FBXO10: variants seen among roughly 807,000 people sequenced by gnomAD.
FBXO10 encodes F-box only protein 10.
A neutral mutation model predicts 80.7 loss-of-function variants in FBXO10; 39 were observed. The ratio of observed to expected loss-of-function variants is 0.48; its 90% CI spans 0.37 to 0.63. The LOEUF (loss-of-function observed/expected upper bound fraction) is 0.63. Among genes scored for constraint, FBXO10 ranks in the 30% least tolerant of loss-of-function variants. The pLI, the probability that FBXO10 is intolerant of heterozygous loss-of-function variation, is 0.00. For missense variants in FBXO10, 1,025 were observed against 1,269.0 expected (o/e 0.81, Z 2.92); for synonymous variants, 449 against 489.6 (o/e 0.92, Z 1.09).
chr9:37,511,443 T>G lies in FBXO10; in HGVS notation c.*1104A>C, dbSNP rs543577755. 677 of 153,076 alleles carry G rather than the reference T, an allele frequency of 4.4e-3. 4 individuals carry two copies. Among genetic ancestry groups the G allele is most frequent in the Non-Finnish European group, 7.3e-3 (498 of 68,488 alleles). The allele number at this position is 153,076 out of a possible 1,614,324, so 9.5% of individuals were successfully genotyped here. ...ACACACAGTCAGAAGTGGCCCTACC[T>G]ACGGGGAGCACACAGGTGAGTGGGG... On this transcript the variant is annotated 3_prime_UTR_variant, in exon 11 of 11. Transcript: ENST00000432825.
At chr9:37,538,732 G>A (rs997554010) in intron 2 of FBXO10, among the ~76,000 whole-genome samples, 1 of 151,254 alleles carries the variant, frequency 6.6e-6, no homozygotes, top group African/African-American at 2.4e-5. Flanking sequence ...AAAAGCATGG[G>A]CTCCGGGGGT....
intron 3 of FBXO10, among the ~76,000 whole-genome samples, chr9:37,534,777 C>A (rs1821716155): frequency 6.6e-6 from 1 of 152,306 alleles, no homozygotes; most frequent in African/African-American, 2.4e-5. Flanking sequence ...TTCCCCCTAA[C>A]TCTCTTACAA....
At chr9:37,563,244 T>C (rs978705468) in intron 1 of FBXO10, among the ~76,000 whole-genome samples, 1 of 152,214 alleles carries the variant, frequency 6.6e-6, no homozygotes, top group Non-Finnish European at 1.5e-5. Flanking sequence ...GAACTGTGAG[T>C]CAATTAAACC....
chr9:37,540,312 C>G (rs548858430), intron 2 of FBXO10, among the ~76,000 whole-genome samples: 13 of 152,070 alleles, frequency 8.5e-5, no homozygotes, highest in African/African-American at 3.1e-4. Context: ...CTCAGCCTCC[C>G]GAGTAGCTGG....
At chr9:37,552,422 G>A (rs1265675419) in intron 1 of FBXO10, among the ~76,000 whole-genome samples, 4 of 152,148 alleles carry the variant, frequency 2.6e-5, no homozygotes, top group Admixed American at 1.3e-4. Context: ...GGTGGCTCAC[G>A]CTTGTAATCC....
intron 1 of FBXO10, among the ~76,000 whole-genome samples, chr9:37,557,772 G>C (rs1822374131): frequency 6.6e-6 from 1 of 151,996 alleles, no homozygotes; most frequent in African/African-American, 2.4e-5. Context: ...CTATAAAGAG[G>C]GGCTCATCTA....
chr9:37,550,101 G>T (rs1421995745), intron 1 of FBXO10, among the ~76,000 whole-genome samples: 4 of 148,226 alleles, frequency 2.7e-5, no homozygotes, highest in Middle Eastern at 3.6e-3. Context: ...CAGTGGCACA[G>T]TACATATAGG....
At chr9:37,526,027 T>C (rs1821463666) in intron 5 of FBXO10, among the ~76,000 whole-genome samples, 1 of 152,034 alleles carries the variant, frequency 6.6e-6, no homozygotes, top group Non-Finnish European at 1.5e-5. Context: ...GGCATATTTT[T>C]ACTACAAATC....
intron 1 of FBXO10, among the ~76,000 whole-genome samples, chr9:37,546,713 CTTT>C (rs756793633): frequency 9.1e-5 from 13 of 142,126 alleles, no homozygotes; most frequent in Non-Finnish European, 9.3e-5. Context: ...CTAGAGATGT[CTTT>C]TTTTTTTTTT....
At chr9:37,559,065 T>G (rs992767588) in intron 1 of FBXO10, among the ~76,000 whole-genome samples, 2 of 152,160 alleles carry the variant, frequency 1.3e-5, no homozygotes, top group African/African-American at 4.8e-5. Flanking sequence ...CGCCTCGGCC[T>G]CCCAGAGTGC....
chr9:37,516,773 C>T (rs10124736), intron 9 of FBXO10, among the ~76,000 whole-genome samples: 8,797 of 151,996 alleles, frequency 0.058, 654 homozygotes, highest in African/African-American at 0.17. Flanking sequence ...AGTTTGAGAC[C>T]AGCCTGACCA....
chr9:37,531,179 G>A (rs78597305), intron 4 of FBXO10, among the ~76,000 whole-genome samples: 2,472 of 152,038 alleles, frequency 0.016, 82 homozygotes, highest in African/African-American at 0.057. Context: ...AGCATCTGGC[G>A]TATAATAAGC....
In FBXO10 at chr9:37,525,119, C is replaced by T; in HGVS notation, c.1760G>A (p.Gly587Asp). Residue 587 changes from glycine (G) to aspartate (D), a missense_variant, in exon 6 of 11, where the codon GGC becomes GAC. Around this residue, in one of 3 missense-constraint regions of FBXO10, gnomAD observed 478 missense variants for 667.8 expected, o/e 0.72. Coordinates refer to ENST00000432825, the MANE Select transcript of FBXO10 (RefSeq NM_012166.3). The part of the protein sequence containing the change: ...RAAGIAVNEN[G>D]KGLITENVIR... ...ATCCGTACCTGTGATGAGGCCTTTG[C>T]CGTTCTCATTCACTGCTATGCCGGC... 1.3e-6 allele frequency: 2 copies of T among 1,563,144 alleles called. No individual in the cohort carries two copies. The highest frequency in any genetic ancestry group is 8.7e-7 in the Non-Finnish European group (1 of 1,153,710).
At chr9:37,552,585 G>A (rs112586353) in intron 1 of FBXO10, among the ~76,000 whole-genome samples, 12,665 of 151,714 alleles carry the variant, frequency 0.083, 606 homozygotes, top group South Asian at 0.15. Flanking sequence ...CCAGCTACTC[G>A]GGAGGCTGAG....
At position 37,537,657 on chromosome 9, in the gene FBXO10, A is replaced by T. The variant is rs757493512; in HGVS notation, c.872T>A (p.Phe291Tyr). ...PTFLPTEDSD[F>Y]LMSLDLESRD... is the part of the protein sequence containing the mutation. ...GCTCTCTAGGTCCAGGGACATTAAA[A>T]AGTCAGAGTCCTCTGTGGGGAGAAA... is the stretch of plus-strand genomic sequence containing the variant. The change falls in exon 3 of 11, where the codon TTT becomes TAT. Residue 291 changes from phenylalanine (F) to tyrosine (Y), a missense_variant. Coordinates refer to ENST00000432825, the MANE Select transcript of FBXO10 (RefSeq NM_012166.3). 6.2e-7 allele frequency: 1 copy of T among 1,614,040 alleles called. No homozygotes were observed. The highest frequency in any genetic ancestry group is 1.1e-5 in the South Asian group (1 of 91,090).
At chr9:37,563,287 T>C (rs1190064849) in intron 1 of FBXO10, among the ~76,000 whole-genome samples, 3 of 152,220 alleles carry the variant, frequency 2.0e-5, no homozygotes, top group African/African-American at 2.4e-5. Flanking sequence ...GTTGTGGGTA[T>C]TTCTTAACAG....
intron 5 of FBXO10, among the ~76,000 whole-genome samples, chr9:37,527,167 A>T (rs1458743782): frequency 2.6e-5 from 4 of 152,102 alleles, no homozygotes; most frequent in African/African-American, 7.2e-5. Flanking sequence ...TCTTAATCTA[A>T]TTCCCCTGCT....
At chr9:37,517,100 C>T (rs912308714) in intron 9 of FBXO10, among the ~76,000 whole-genome samples, 7 of 151,978 alleles carry the variant, frequency 4.6e-5, no homozygotes, top group Admixed American at 6.6e-5. Context: ...AACTCAGAAA[C>T]GGAAAACCAA....
intron 9 of FBXO10, among the ~76,000 whole-genome samples, chr9:37,517,519 G>A (rs888460005): frequency 6.6e-6 from 1 of 152,030 alleles, no homozygotes; most frequent in Non-Finnish European, 1.5e-5. Flanking sequence ...AAGCCCTGTG[G>A]GGAGTGCTCT....
Sources: gnomAD v4.1 joint callset for allele counts (sites outside exome capture counted in the v4.1 genomes callset) on GRCh38, gnomAD v4.1.1 for gene constraint, gnomAD v4.1.1 regional missense constraint, MANE v1.5 for transcripts, NCBI Gene and HGNC (gene_info 2026-07-23, HGNC 2026-07-21) for gene names.